The following TMEM132D variants were observed in gnomAD, a reference collection of about 807,000 sequenced individuals.
TMEM132D encodes the protein mature OL transmembrane protein.
A neutral mutation model predicts 62.3 loss-of-function variants in TMEM132D; 21 were observed. The ratio of observed to expected loss-of-function variants is 0.34; its 90% CI spans 0.24 to 0.49. TMEM132D has a LOEUF of 0.49. Ranked by LOEUF, TMEM132D falls within the 20% of genes least tolerant of loss-of-function variation. The pLI, the probability that TMEM132D is intolerant of heterozygous loss-of-function variation, is 0.99. For missense variants in TMEM132D, 1,346 were observed against 1,402.8 expected (o/e 0.96, Z 0.65); for synonymous variants, 621 against 575.6 (o/e 1.08, Z -1.13).
chr12:129,534,033 C>T (rs1165102259), intron 2 of TMEM132D, among the ~76,000 whole-genome samples: 1 of 152,178 alleles, frequency 6.6e-6, no homozygotes, highest in African/African-American at 2.4e-5. Flanking sequence ...GTCAGTGGCA[C>T]CATTTGGAAC....
At position 129,533,962 on chromosome 12, in the gene TMEM132D, C is replaced by T. The variant is rs535186641; in HGVS notation, c.969-2757G>A. Among the ~76,000 whole-genome samples the T allele has an allele frequency of 1.4e-4, 21 of 152,314 alleles. No homozygotes were observed. In the South Asian group the frequency reaches 1.5e-3, roughly 11 times the overall value. ...TGGTCATTCTTCGGAGATGTAGACA[C>T]GGTATTTACTGAACACGGTGTGTGT... On this transcript the variant is annotated intron_variant, in intron 2 of 8. Transcript: ENST00000422113.
intron 5 of TMEM132D, among the ~76,000 whole-genome samples, chr12:129,098,392 A>T (rs1875181692): frequency 6.6e-6 from 1 of 152,248 alleles, no homozygotes; most frequent in Non-Finnish European, 1.5e-5. Flanking sequence ...AGATGATCAC[A>T]GAGCTTGCAT....
chr12:129,839,073 C>T (rs1431103876), intron 1 of TMEM132D, among the ~76,000 whole-genome samples: 1 of 136,590 alleles, frequency 7.3e-6, no homozygotes, highest in Non-Finnish European at 1.5e-5. Flanking sequence ...TCCTCGGCTT[C>T]CCAATTAGCT....
rs548978111 is a variant in TMEM132D at position 129,206,329 on chromosome 12, T to C, written c.1443+3191A>G. On this transcript the variant is annotated intron_variant, in intron 5 of 8. Transcript: ENST00000422113. Reference sequence around the variant, plus strand: ...CATTTTTCAAAAGAAGACATATATATGGCCAATAAGCATATGAGAAAATGC... The same window carrying C: ...CATTTTTCAAAAGAAGACATATATACGGCCAATAAGCATATGAGAAAATGC... 7.9e-5 allele frequency among the ~76,000 whole-genome samples: 12 copies of C among 152,306 alleles called. No individual in the cohort carries two copies. The South Asian group carries it at 2.3e-3, about 29-fold the overall frequency.
intron 4 of TMEM132D, among the ~76,000 whole-genome samples, chr12:129,302,838 G>A (rs1881755878): frequency 6.6e-6 from 1 of 152,096 alleles, no homozygotes; most frequent in African/African-American, 2.4e-5. Context: ...CCACCCATGT[G>A]AGACCAAAGG....
intron 5 of TMEM132D, among the ~76,000 whole-genome samples, chr12:129,153,297 C>T (rs981960204): frequency 1.3e-5 from 2 of 152,132 alleles, no homozygotes; most frequent in African/African-American, 4.8e-5. Context: ...TGTGGTTCTT[C>T]GGGGAGTTGC....
chr12:129,074,824 C>T lies in TMEM132D; in HGVS notation c.2351G>A (p.Ser784Asn), dbSNP rs1270897597. The T allele has an allele frequency of 6.2e-7, 1 of 1,613,996 alleles. No homozygotes were observed. Among genetic ancestry groups the T allele is most frequent in the African/African-American group, 1.3e-5 (1 of 74,902 alleles). ...GTTTGCCGTTCCAACAGCTAACACACTCTTCCGCTTGGATTTCTGGCAGGA... is the reference window on the plus strand; with the variant it reads ...GTTTGCCGTTCCAACAGCTAACACATTCTTCCGCTTGGATTTCTGGCAGGA... ...SESCQKSKRK[S>N]VLAVGTANIK... is the part of the protein sequence containing the mutation. The change falls in exon 9 of 9, where the codon AGT (serine) becomes AAT (asparagine). Residue 784 changes from serine to asparagine, a missense_variant. Ser to Asn is a conservative substitution (Grantham distance 46). Transcript: ENST00000422113.
At chr12:129,457,650 C>T (rs1873518733) in intron 3 of TMEM132D, among the ~76,000 whole-genome samples, 1 of 151,972 alleles carries the variant, frequency 6.6e-6, no homozygotes, top group Non-Finnish European at 1.5e-5. Context: ...ATATGTGAAG[C>T]ATGGCTGGGA....
chr12:129,506,920 C>A (rs1014056250), intron 3 of TMEM132D, among the ~76,000 whole-genome samples: 1 of 152,064 alleles, frequency 6.6e-6, no homozygotes, highest in Non-Finnish European at 1.5e-5. Context: ...AGTAAACAGA[C>A]AACCCAGAGT....
intron 3 of TMEM132D, among the ~76,000 whole-genome samples, chr12:129,461,000 C>T (rs1378674565): frequency 6.6e-6 from 1 of 152,120 alleles, no homozygotes. Flanking sequence ...ATACTGGCAG[C>T]CAGAGGTGGA....
At chr12:129,622,363 C>CT (rs1170448905) in intron 2 of TMEM132D, among the ~76,000 whole-genome samples, 1 of 151,814 alleles carries the variant, frequency 6.6e-6, no homozygotes, top group Admixed American at 6.6e-5. Context: ...AGGAGGGGCT[C>CT]TTACGCCTTG....
At chr12:129,571,935 G>T (rs155694) in intron 2 of TMEM132D, among the ~76,000 whole-genome samples, 66,496 of 151,972 alleles carry the variant, frequency 0.44, 14,944 homozygotes, top group African/African-American at 0.55. Flanking sequence ...ATGCTTGCTA[G>T]TGGGAAATGA....
At chr12:129,209,389 A>G in intron 5 of TMEM132D, 131 bp downstream of exon 5, 1 of 1,136,300 alleles carries the variant, frequency 8.8e-7, no homozygotes, top group Non-Finnish European at 1.2e-6. Flanking sequence ...TGGCAGGATA[A>G]CCAGAATGGG....
chr12:129,373,659 A>G (rs927730031), intron 3 of TMEM132D, among the ~76,000 whole-genome samples: 5 of 137,430 alleles, frequency 3.6e-5, no homozygotes, highest in Non-Finnish European at 6.3e-5. Flanking sequence ...AAAACAAAAT[A>G]AAAAAAACAA....
intron 5 of TMEM132D, among the ~76,000 whole-genome samples, chr12:129,094,166 C>A (rs1475913160): frequency 6.6e-6 from 1 of 152,054 alleles, no homozygotes; most frequent in Non-Finnish European, 1.5e-5. Flanking sequence ...GCAGCAAAAG[C>A]CAAAATTGAC....
intron 3 of TMEM132D, among the ~76,000 whole-genome samples, chr12:129,393,766 T>A (rs1433186578): frequency 6.6e-6 from 1 of 152,180 alleles, no homozygotes; most frequent in Non-Finnish European, 1.5e-5. Flanking sequence ...GAGGTTGTTT[T>A]CCTCTTGCAG....
intron 1 of TMEM132D, among the ~76,000 whole-genome samples, chr12:129,749,757 G>A (rs1030109960): frequency 6.6e-6 from 1 of 152,034 alleles, no homozygotes; most frequent in Non-Finnish European, 1.5e-5. Flanking sequence ...GAGCCACCGC[G>A]CCTAGCCTAG....
Position 129,356,236 on chromosome 12 carries a change from A to T in TMEM132D, c.1116-18419T>A, listed in dbSNP as rs1215848106. Among the ~76,000 whole-genome samples the T allele has an allele frequency of 3.0e-4, 7 of 23,506 alleles. 2 individuals carry two copies. The highest frequency in any genetic ancestry group is 7.2e-4 in the African/African-American group (3 of 4,180). 15.4% of individuals were successfully genotyped at this position (23,506 alleles called of 152,430 possible). ...CAGTGGCGGGATCTCGGCTCACTGC[A>T]AGCTCCGCCTCCCGGGTTCACGCCA... On this transcript the variant is annotated intron_variant, in intron 3 of 8. Transcript: ENST00000422113.
At chr12:129,753,618 G>C (rs1303316807) in intron 1 of TMEM132D, among the ~76,000 whole-genome samples, 1 of 152,022 alleles carries the variant, frequency 6.6e-6, no homozygotes, top group Non-Finnish European at 1.5e-5. Flanking sequence ...ATTGAAAAAA[G>C]ACATACACAC....
Sources: gnomAD v4.1 joint callset for allele counts (sites outside exome capture counted in the v4.1 genomes callset) on GRCh38, gnomAD v4.1.1 for gene constraint, MANE v1.5 for transcripts, NCBI Gene and HGNC (gene_info 2026-07-23, HGNC 2026-07-21) for gene names.